SRGAP2: variants seen among roughly 807,000 people sequenced by gnomAD.
SRGAP2 encodes SLIT-ROBO Rho GTPase activating protein 2.
SRGAP2 carries 15 observed loss-of-function variants against 57.2 expected under a neutral mutation model. That is an observed-to-expected ratio of 0.26 (90% CI 0.18 to 0.40). The LOEUF (loss-of-function observed/expected upper bound fraction) is 0.40. Among genes scored for constraint, SRGAP2 ranks in the 10% least tolerant of loss-of-function variants. The pLI, the probability that SRGAP2 is intolerant of heterozygous loss-of-function variation, is 1.00. For synonymous variants in SRGAP2, 249 were observed against 248.0 expected (o/e 1.00, Z -0.04); for missense variants, 520 against 669.6 (o/e 0.78, Z 2.47).
chr1:206,292,186 C>A (rs1488035343), intron 2 of SRGAP2, among the ~76,000 whole-genome samples: 1 of 152,180 alleles, frequency 6.6e-6, no homozygotes, highest in African/African-American at 2.4e-5. Context: ...TCTGAACAGT[C>A]CACTGGGGCA....
chr1:206,258,345 A>G (rs1164879364), intron 2 of SRGAP2, among the ~76,000 whole-genome samples: 1 of 152,212 alleles, frequency 6.6e-6, no homozygotes, highest in African/African-American at 2.4e-5. Context: ...AATATTTACT[A>G]TCTGGCCTTT....
intron 2 of SRGAP2, among the ~76,000 whole-genome samples, chr1:206,250,167 C>T (rs1432644111): frequency 1.3e-5 from 2 of 151,778 alleles, no homozygotes; most frequent in Admixed American, 6.6e-5. Context: ...ACTCTTTAAT[C>T]ATAAAGTCAG....
Position 206,203,595 on chromosome 1 carries a change from A to C in SRGAP2, c.-598A>C. The stretch of plus-strand genomic sequence containing the variant: ...CGGGTGGCGGGGAAGAGAGGGGAGG[A>C]GAGCTCTGAGTGGGAAGCGGAGCCG... On this transcript the variant is annotated 5_prime_UTR_variant, in exon 1 of 23. Coordinates refer to ENST00000573034, the MANE Select transcript of SRGAP2 (RefSeq NM_015326.5). 1.7e-6 allele frequency: 1 copy of C among 587,342 alleles called. No individual in the cohort carries two copies. The allele number at this position is 587,342 out of a possible 1,614,324, so 36.4% of individuals were successfully genotyped here.
chr1:206,237,525 C>T lies in SRGAP2; in HGVS notation c.67+31488C>T, dbSNP rs1439090953. ...AGATTTTTAAGCTCCACCACTACAA[C>T]CTTTTACTGTTGTCTTGCCCATATC... is the stretch of plus-strand genomic sequence containing the variant. On this transcript the variant is annotated intron_variant, in intron 2 of 22. Transcript: ENST00000573034. Among the ~76,000 whole-genome samples, 5 of 152,114 alleles carry T rather than the reference C, an allele frequency of 3.3e-5. No homozygotes were observed. In the East Asian group the frequency reaches 9.6e-4, roughly 29 times the overall value.
intron 3 of SRGAP2, among the ~76,000 whole-genome samples, chr1:206,307,850 G>A (rs1352154330): frequency 2.6e-5 from 4 of 152,070 alleles, no homozygotes; most frequent in Non-Finnish European, 5.9e-5. Context: ...ACACCTCCCT[G>A]CAAGCTGAGG....
At chr1:206,289,522 C>T (rs1258426203) in intron 2 of SRGAP2, among the ~76,000 whole-genome samples, 1 of 151,962 alleles carries the variant, frequency 6.6e-6, no homozygotes, top group Non-Finnish European at 1.5e-5. Context: ...CGTGGTCCGC[C>T]TGCCTTGGCC....
At chr1:206,221,161 C>T (rs1398660892) in intron 2 of SRGAP2, among the ~76,000 whole-genome samples, 6 of 148,568 alleles carry the variant, frequency 4.0e-5, no homozygotes, top group Middle Eastern at 3.4e-3. Flanking sequence ...AGGCTGGTCT[C>T]GAACTCCTGA....
chr1:206,203,598 G>C lies in SRGAP2; in HGVS notation c.-595G>C, dbSNP rs372172466. On this transcript the variant is annotated 5_prime_UTR_variant, in exon 1 of 23. Transcript: ENST00000573034. ...GTGGCGGGGAAGAGAGGGGAGGAGAGCTCTGAGTGGGAAGCGGAGCCGGGG... is the reference window on the plus strand; with the variant it reads ...GTGGCGGGGAAGAGAGGGGAGGAGACCTCTGAGTGGGAAGCGGAGCCGGGG... The C allele has an allele frequency of 3.4e-6, 2 of 595,790 alleles. No homozygotes were observed. The highest frequency in any genetic ancestry group is 3.0e-6 in the Non-Finnish European group (1 of 328,602). The allele number at this position is 595,790 out of a possible 1,614,324, so 36.9% of individuals were successfully genotyped here. A position where few individuals can be genotyped will look rare whatever the true frequency, so the allele number is the denominator to read the frequency against.
chr1:206,218,169 C>T (rs1666772704), intron 2 of SRGAP2, among the ~76,000 whole-genome samples: 4 of 151,974 alleles, frequency 2.6e-5, no homozygotes, highest in Admixed American at 2.6e-4. Context: ...ATTAGCTGGG[C>T]ATGGTGGCGG....
intron 4 of SRGAP2, among the ~76,000 whole-genome samples, chr1:206,372,964 C>CTTTCTTT (rs1553342935): frequency 4.3e-5 from 1 of 23,356 alleles, no homozygotes; most frequent in Non-Finnish European, 7.6e-5. Context: ...TCTTTTCTTT[C>CTTTCTTT]CTTTCTTTCT....
intron 10 of SRGAP2, among the ~76,000 whole-genome samples, chr1:206,411,963 C>T (rs894914368): frequency 2.0e-5 from 3 of 152,174 alleles, no homozygotes; most frequent in African/African-American, 4.8e-5. Flanking sequence ...GTGCTATTAA[C>T]AGTAATGCTT....
At chr1:206,216,490 G>C (rs1411601775) in intron 2 of SRGAP2, among the ~76,000 whole-genome samples, 3 of 149,484 alleles carry the variant, frequency 2.0e-5, no homozygotes, top group African/African-American at 7.4e-5. Context: ...CCTGAAAAAG[G>C]AACTGTTTTG....
At chr1:206,424,316 G>T (rs1660606783) in intron 13 of SRGAP2, among the ~76,000 whole-genome samples, 1 of 152,174 alleles carries the variant, frequency 6.6e-6, no homozygotes, top group Non-Finnish European at 1.5e-5. Flanking sequence ...TCTAACATTG[G>T]AGGAGGGAAG....
At chr1:206,241,116 C>T (rs1392119847) in intron 2 of SRGAP2, among the ~76,000 whole-genome samples, 4 of 152,100 alleles carry the variant, frequency 2.6e-5, no homozygotes, top group African/African-American at 9.7e-5. Context: ...CCCGGAAGGT[C>T]GAGGCTACGG....
At chr1:206,253,661 C>T (rs1358480411) in intron 2 of SRGAP2, among the ~76,000 whole-genome samples, 1 of 147,986 alleles carries the variant, frequency 6.8e-6, no homozygotes, top group African/African-American at 2.5e-5. Context: ...CTGCAAGCTC[C>T]GCCTCCCGGG....
intron 2 of SRGAP2, among the ~76,000 whole-genome samples, chr1:206,232,270 C>G (rs1297511511): frequency 6.6e-6 from 1 of 152,080 alleles, no homozygotes; most frequent in Admixed American, 6.5e-5. Flanking sequence ...ACACTCCAGT[C>G]AAGGTTTTCC....
At chr1:206,303,748 T>G (rs1287029601) in intron 3 of SRGAP2, among the ~76,000 whole-genome samples, 291 of 152,200 alleles carry the variant, frequency 1.9e-3, no homozygotes, top group African/African-American at 6.8e-3. Context: ...TACATATATG[T>G]TAGTTTGCTT....
intron 17 of SRGAP2, among the ~76,000 whole-genome samples, chr1:206,442,693 TAAC>T (rs1202530650): frequency 1.3e-5 from 2 of 152,216 alleles, no homozygotes; most frequent in African/African-American, 2.4e-5. Flanking sequence ...ATCAAAGTGT[TAAC>T]ATTAAAAAAA....
chr1:206,318,852 C>T (rs1400020355), intron 3 of SRGAP2, among the ~76,000 whole-genome samples: 4 of 151,726 alleles, frequency 2.6e-5, no homozygotes, highest in African/African-American at 9.7e-5. Context: ...ACCCCCATGA[C>T]CCAGTCACTT....
Sources: allele counts gnomAD v4.1 joint callset (sites outside exome capture counted in the v4.1 genomes callset), GRCh38; gene constraint gnomAD v4.1.1; transcripts MANE v1.5; gene names NCBI Gene and HGNC (gene_info 2026-07-23, HGNC 2026-07-21).